The following GULP1 variants were observed in gnomAD, a reference collection of about 807,000 sequenced individuals.
GULP1 encodes PTB domain-containing engulfment adapter protein 1.
In GULP1, 19 loss-of-function variants were observed where a neutral mutation model predicts 40.9. The ratio of observed to expected loss-of-function variants is 0.46; its 90% CI spans 0.32 to 0.68. The LOEUF is 0.68. GULP1 is among the 30% of genes least tolerant of loss of function. The probability of loss-of-function intolerance (pLI) is 0.03; values close to 1 mark genes in which losing one functional copy is unlikely to be tolerated. For synonymous variants in GULP1, 119 were observed against 117.6 expected (o/e 1.01, Z -0.08); for missense variants, 312 against 362.2 (o/e 0.86, Z 1.12).
chr2:188,415,934 T>C (rs1468119097), intron 2 of GULP1, among the ~76,000 whole-genome samples: 2 of 152,302 alleles, frequency 1.3e-5, no homozygotes, highest in South Asian at 2.1e-4. Context: ...TGTTAGAAGA[T>C]TGTTGATTGA....
intron 1 of GULP1, among the ~76,000 whole-genome samples, chr2:188,307,761 T>C (rs1279577785): frequency 6.6e-6 from 1 of 152,224 alleles, no homozygotes; most frequent in Non-Finnish European, 1.5e-5. Flanking sequence ...CATAATATGC[T>C]GTGGTGTATA....
At chr2:188,574,501 G>A (rs1168134824) in intron 9 of GULP1, among the ~76,000 whole-genome samples, 1 of 152,102 alleles carries the variant, frequency 6.6e-6, no homozygotes, top group East Asian at 1.9e-4. Flanking sequence ...GTGCATGCCT[G>A]TAGTCTCAGC....
At chr2:188,534,792 A>G (rs921969117) in intron 6 of GULP1, among the ~76,000 whole-genome samples, 1 of 152,042 alleles carries the variant, frequency 6.6e-6, no homozygotes, top group Non-Finnish European at 1.5e-5. Flanking sequence ...ATGACAACCT[A>G]TTATATAATT....
At chr2:188,587,065 G>A (rs1272823016) in intron 10 of GULP1, among the ~76,000 whole-genome samples, 1 of 151,652 alleles carries the variant, frequency 6.6e-6, no homozygotes, top group African/African-American at 2.4e-5. Context: ...TCCAATTAAG[G>A]ATACATTTGA....
At chr2:188,298,633 A>G (rs1433131653) in intron 1 of GULP1, among the ~76,000 whole-genome samples, 2 of 152,188 alleles carry the variant, frequency 1.3e-5, no homozygotes, top group Non-Finnish European at 2.9e-5. Context: ...CTTAGCAGTA[A>G]ATCAGTAAGA....
chr2:188,531,119 C>G (rs1424467071), intron 6 of GULP1, among the ~76,000 whole-genome samples: 2 of 152,152 alleles, frequency 1.3e-5, no homozygotes, highest in African/African-American at 2.4e-5. Flanking sequence ...AGACCACCAG[C>G]AACTGCATCT....
At chr2:188,503,743 G>A (rs1025074294) in intron 4 of GULP1, among the ~76,000 whole-genome samples, 1 of 151,806 alleles carries the variant, frequency 6.6e-6, no homozygotes, top group Non-Finnish European at 1.5e-5. Context: ...GACTTCCATG[G>A]ACTTTGCATG....
rs202196921 is a variant in GULP1 at position 188,594,052 on chromosome 2, G to C, written c.*41G>C. On this transcript the variant is annotated 3_prime_UTR_variant, in exon 12 of 12. Transcript: ENST00000409830. Reference sequence around the variant, plus strand: ...ATCCTGATTCATGTTAAATGTGTTTGTATACACATGTCATTTATTATTATT... The same window carrying C: ...ATCCTGATTCATGTTAAATGTGTTTCTATACACATGTCATTTATTATTATT... 1 of 954,098 alleles carries C rather than the reference G, an allele frequency of 1.0e-6. No homozygotes were observed. Among genetic ancestry groups the C allele is most frequent in the Admixed American group, 1.8e-5 (1 of 56,454 alleles). 59.1% of individuals were successfully genotyped at this position (954,098 alleles called of 1,614,324 possible). A position where few individuals can be genotyped will look rare whatever the true frequency, so the allele number is the denominator to read the frequency against.
chr2:188,571,579 T>C (rs2153435308), intron 9 of GULP1, among the ~76,000 whole-genome samples: 1 of 152,268 alleles, frequency 6.6e-6, no homozygotes, highest in South Asian at 2.1e-4. Flanking sequence ...TGATATTCCT[T>C]CTTATTTTTT....
intron 4 of GULP1, among the ~76,000 whole-genome samples, chr2:188,516,416 A>T (rs1559332901): frequency 2.7e-5 from 4 of 149,732 alleles, no homozygotes; most frequent in African/African-American, 7.4e-5. Flanking sequence ...ATCTTTTGTG[A>T]TTTTTTTTCA....
At chr2:188,297,596 T>C (rs1313576425) in intron 1 of GULP1, 2 of 427,318 alleles carry the variant, frequency 4.7e-6, no homozygotes, top group Non-Finnish European at 9.3e-6. Context: ...CATGGATGGC[T>C]ATCCTTATTT....
At chr2:188,395,912 C>G (rs947973481) in intron 2 of GULP1, among the ~76,000 whole-genome samples, 1 of 152,088 alleles carries the variant, frequency 6.6e-6, no homozygotes, top group Non-Finnish European at 1.5e-5. Flanking sequence ...TATAAATAGC[C>G]TTAGTGTGTT....
At chr2:188,516,107 C>G (rs1389937406) in intron 4 of GULP1, among the ~76,000 whole-genome samples, 1 of 152,142 alleles carries the variant, frequency 6.6e-6, no homozygotes, top group East Asian at 1.9e-4. Flanking sequence ...TCTGTAGTGG[C>G]CATCAACACC....
chr2:188,509,673 T>G (rs1483969888), intron 4 of GULP1, among the ~76,000 whole-genome samples: 1 of 152,082 alleles, frequency 6.6e-6, no homozygotes, highest in Non-Finnish European at 1.5e-5. Flanking sequence ...GGAGGAGGTT[T>G]TCTTAAAAAT....
At chr2:188,502,832 T>G (rs936931903) in intron 4 of GULP1, among the ~76,000 whole-genome samples, 1 of 151,922 alleles carries the variant, frequency 6.6e-6, no homozygotes, top group Non-Finnish European at 1.5e-5. Context: ...TTCTCACAAC[T>G]CTGGAGGCTA....
At position 188,529,184 on chromosome 2, in the gene GULP1, C is replaced by A. The variant is rs376744592; in HGVS notation, c.250C>A (p.Pro84Thr). 1.3e-6 allele frequency: 2 copies of A among 1,508,468 alleles called. No homozygotes were observed. The highest frequency in any genetic ancestry group is 9.1e-7 in the Non-Finnish European group (1 of 1,096,092). 93.4% of individuals were successfully genotyped at this position (1,508,468 alleles called of 1,614,324 possible). ...ISIYGVKILE[P>T]KTKEVQHNCQ... ...AATTTATGGAGTAAAAATTCTAGAA[C>A]CCAAAACAAAGGTAAGGCTTTTTTT... The change falls in exon 6 of 12, where the codon CCC becomes ACC. Residue 84 changes from proline to threonine, a missense_variant. Coordinates refer to ENST00000409830, the MANE Select transcript of GULP1 (RefSeq NM_016315.4).
intron 1 of GULP1, among the ~76,000 whole-genome samples, chr2:188,349,574 GTTT>G (rs2044169315): frequency 6.6e-6 from 1 of 152,070 alleles, no homozygotes; most frequent in Non-Finnish European, 1.5e-5. Flanking sequence ...ATTTTGCTCA[GTTT>G]TTAATTGAGT....
At chr2:188,328,889 A>G (rs145629518) in intron 1 of GULP1, among the ~76,000 whole-genome samples, 26 of 152,292 alleles carry the variant, frequency 1.7e-4, no homozygotes, top group African/African-American at 6.3e-4. Context: ...GCCTTTTGGA[A>G]TATAACACAT....
chr2:188,437,265 A>C (rs2152845096), intron 2 of GULP1, among the ~76,000 whole-genome samples: 1 of 152,162 alleles, frequency 6.6e-6, no homozygotes, highest in South Asian at 2.1e-4. Context: ...TTGTGTTTGC[A>C]AATGCTCTTT....
Sources: allele counts gnomAD v4.1 joint callset (sites outside exome capture counted in the v4.1 genomes callset), GRCh38; gene constraint gnomAD v4.1.1; transcripts MANE v1.5; gene names NCBI Gene and HGNC (gene_info 2026-07-23, HGNC 2026-07-21).